CPNE3: variants seen among roughly 807,000 people sequenced by gnomAD.
The protein encoded by CPNE3 is copine 3.
In CPNE3, 68 loss-of-function variants were observed where a neutral mutation model predicts 63.9. That is an observed-to-expected ratio of 1.06 (90% CI 0.87 to 1.30). CPNE3 has a LOEUF of 1.30. Ranked by LOEUF, CPNE3 falls within the 50% of genes most tolerant of loss-of-function variation. CPNE3 has a pLI of 0.00. For synonymous variants in CPNE3, 219 were observed against 197.5 expected (o/e 1.11, Z -0.91); for missense variants, 665 against 578.1 (o/e 1.15, Z -1.54).
intron 2 of CPNE3, among the ~76,000 whole-genome samples, chr8:86,523,965 G>A (rs988577623): frequency 7.2e-5 from 11 of 152,206 alleles, no homozygotes; most frequent in African/African-American, 2.7e-4. Flanking sequence ...GCAGAGCCAT[G>A]AATTCCAGGC....
At chr8:86,519,151 A>G (rs1586824845) in intron 2 of CPNE3, among the ~76,000 whole-genome samples, 1 of 152,222 alleles carries the variant, frequency 6.6e-6, no homozygotes, top group South Asian at 2.1e-4. Flanking sequence ...AAATACAATC[A>G]GTGATACTTC....
chr8:86,546,675 G>T lies in CPNE3; in HGVS notation c.813G>T (p.Gln271His), dbSNP rs772824390. ...ATTCAGGTGTTATCAGTGTGAAACAGTGTGAGGTCCGTTGGCCTTGGCTAC... is the reference window on the plus strand; with the variant it reads ...ATTCAGGTGTTATCAGTGTGAAACATTGTGAGGTCCGTTGGCCTTGGCTAC... ...YKNSGVISVKQCEITVECTFL... is the reference protein window; with the variant it reads ...YKNSGVISVKHCEITVECTFL... Residue 271 changes from glutamine to histidine, a missense_variant, in exon 10 of 17, where the codon CAG (glutamine) becomes CAT (histidine). Gln to His is a conservative substitution (Grantham distance 24). Coordinates refer to ENST00000517490, the MANE Select transcript of CPNE3 (RefSeq NM_003909.5). 3 of 1,604,150 alleles carry T rather than the reference G, an allele frequency of 1.9e-6. No homozygotes were observed. In the South Asian group the frequency reaches 3.4e-5, roughly 18 times the overall value.
intron 16 of CPNE3, 94 bp downstream of exon 16, chr8:86,556,432 A>G (rs753610526): frequency 1.4e-5 from 11 of 791,232 alleles, no homozygotes; most frequent in Non-Finnish European, 2.5e-5. Context: ...GTGCAGGGTT[A>G]GAGGATGTGT....
chr8:86,541,186 A>G (rs1052251856), intron 8 of CPNE3, among the ~76,000 whole-genome samples: 6 of 152,196 alleles, frequency 3.9e-5, no homozygotes, highest in Admixed American at 1.3e-4. Flanking sequence ...CCACAGTTCA[A>G]GTTTTGACTT....
At chr8:86,529,988 C>CT (rs1820633886) in intron 4 of CPNE3, among the ~76,000 whole-genome samples, 1 of 151,780 alleles carries the variant, frequency 6.6e-6, no homozygotes, top group Admixed American at 6.6e-5. Context: ...GGAAGTATTT[C>CT]TTTTTTTGGG....
intron 6 of CPNE3, among the ~76,000 whole-genome samples, chr8:86,535,014 A>AT (rs775824337): frequency 5.8e-4 from 88 of 152,178 alleles, no homozygotes; most frequent in Admixed American, 9.8e-4. Flanking sequence ...GCCTGAGGGA[A>AT]TTCCTTTAAG....
intron 14 of CPNE3, among the ~76,000 whole-genome samples, chr8:86,553,281 G>A (rs374602181): frequency 3.3e-5 from 5 of 152,120 alleles, no homozygotes; most frequent in African/African-American, 1.2e-4. Flanking sequence ...TTGTTCATAA[G>A]ACTACCTGTT....
intron 7 of CPNE3, among the ~76,000 whole-genome samples, chr8:86,538,868 T>C (rs1413366385): frequency 6.6e-6 from 1 of 152,162 alleles, no homozygotes. Context: ...CATGATAAGG[T>C]CTCATTTTTC....
At chr8:86,546,748 G>T in intron 10 of CPNE3, 67 bp downstream of exon 10, 1 of 1,522,070 alleles carries the variant, frequency 6.6e-7, no homozygotes, top group South Asian at 1.3e-5. Flanking sequence ...GCCTCGCTCT[G>T]TTGCCCAGGC....
chr8:86,534,193 A>C (rs993062427), intron 6 of CPNE3, among the ~76,000 whole-genome samples: 4 of 150,036 alleles, frequency 2.7e-5, no homozygotes, highest in Non-Finnish European at 5.9e-5. Flanking sequence ...TTATTTTCTG[A>C]TTTCTGTAAC....
chr8:86,546,492 A>T, intron 9 of CPNE3, 103 bp from the exon 10 acceptor site: 1 of 1,127,934 alleles, frequency 8.9e-7, no homozygotes, highest in Non-Finnish European at 1.3e-6. Context: ...CTACATCAGT[A>T]GGTAGTTTGA....
Position 86,544,763 on chromosome 8 carries a change from T to C in CPNE3, c.657T>C (p.Asn219=), listed in dbSNP as rs535274135. ...AGGTGGAGTGTTATGATTATGACAA[T>C]GATGGGTCACATGATCTCATTGGAA... ...TIKVECYDYD[N]DGSHDLIGTF... Residue 219 remains asparagine (N), a synonymous_variant, in exon 9 of 17, where the codon AAT becomes AAC. Coordinates refer to ENST00000517490, the MANE Select transcript of CPNE3 (RefSeq NM_003909.5). The C allele has an allele frequency of 2.1e-5, 33 of 1,551,158 alleles. No individual in the cohort carries two copies. In the East Asian group the frequency reaches 7.9e-4, roughly 37 times the overall value.
At chr8:86,530,283 C>T (rs1820644482) in intron 4 of CPNE3, among the ~76,000 whole-genome samples, 1 of 151,898 alleles carries the variant, frequency 6.6e-6, no homozygotes, top group Non-Finnish European at 1.5e-5. Flanking sequence ...GATCCTCCCA[C>T]CTCAGCCTCC....
chr8:86,536,214 A>G (rs1586837821), intron 6 of CPNE3, among the ~76,000 whole-genome samples: 1 of 149,892 alleles, frequency 6.7e-6, no homozygotes, highest in African/African-American at 2.5e-5. Flanking sequence ...ATGTATACTC[A>G]TGTGTGTGTA....
chr8:86,528,786 T>A (rs1425951430), intron 3 of CPNE3, 109 bp downstream of exon 3: 16 of 1,416,982 alleles, frequency 1.1e-5, no homozygotes. Flanking sequence ...TTAATGGAGT[T>A]TTTTGTGAAA....
chr8:86,522,593 A>G (rs559907762), intron 2 of CPNE3, among the ~76,000 whole-genome samples: 3 of 99,862 alleles, frequency 3.0e-5, no homozygotes, highest in East Asian at 5.9e-4. Flanking sequence ...GGGAACACTT[A>G]TTACTATTCT....
chr8:86,528,933 G>A lies in CPNE3; in HGVS notation c.133-12G>A, dbSNP rs1295384178. On this transcript the variant is annotated splice_polypyrimidine_tract_variant and intron_variant, in intron 3 of 16. Coordinates refer to ENST00000517490, the MANE Select transcript of CPNE3 (RefSeq NM_003909.5). ...TCTGAAGAAACTTTTTTGTTTTTGC[G>A]GATGGGTGTAGGTTGAGCGCACAGA... 7.6e-6 allele frequency: 12 copies of A among 1,587,048 alleles called. No homozygotes were observed. The highest frequency in any genetic ancestry group is 2.7e-5 in the African/African-American group (2 of 73,170).
At chr8:86,533,002 T>G (rs1820714541) in intron 6 of CPNE3, among the ~76,000 whole-genome samples, 1 of 151,838 alleles carries the variant, frequency 6.6e-6, no homozygotes, top group Non-Finnish European at 1.5e-5. Context: ...TAGCATGGAT[T>G]ATAATAATTC....
At position 86,558,378 on chromosome 8, in the gene CPNE3, A is replaced by G; in HGVS notation, c.1582A>G (p.Lys528Glu). The change falls in exon 17 of 17, where the codon AAG becomes GAG. Residue 528 changes from lysine (K) to glutamate (E), a missense_variant. Lys to Glu is a moderately conservative substitution (Grantham distance 56, BLOSUM62 1). Coordinates refer to ENST00000517490, the MANE Select transcript of CPNE3 (RefSeq NM_003909.5). ...YFNTYKLLPP[K>E]NPATKQQKQ Reference sequence around the variant, plus strand: ...CAATACATACAAACTCCTTCCTCCCAAGAACCCAGCCACGAAACAACAGAA... The same window carrying G: ...CAATACATACAAACTCCTTCCTCCCGAGAACCCAGCCACGAAACAACAGAA... 1 of 872,932 alleles carries G rather than the reference A, an allele frequency of 1.1e-6. No individual in the cohort carries two copies. The highest frequency in any genetic ancestry group is 2.0e-6 in the Non-Finnish European group (1 of 501,660). 54.1% of individuals were successfully genotyped at this position (872,932 alleles called of 1,614,324 possible). A position where few individuals can be genotyped will look rare whatever the true frequency, so the allele number is the denominator to read the frequency against.
Sources: gnomAD v4.1 joint callset for allele counts (sites outside exome capture counted in the v4.1 genomes callset) on GRCh38, gnomAD v4.1.1 for gene constraint, MANE v1.5 for transcripts, NCBI Gene and HGNC (gene_info 2026-07-23, HGNC 2026-07-21) for gene names.